The following SLC1A4 variants were observed in gnomAD, a reference collection of about 807,000 sequenced individuals.
SLC1A4 encodes the protein solute carrier family 1 member 4.
A neutral mutation model predicts 37.7 loss-of-function variants in SLC1A4; 19 were observed. The ratio of observed to expected loss-of-function variants is 0.50; its 90% confidence interval spans 0.35 to 0.74. The LOEUF (loss-of-function observed/expected upper bound fraction) is 0.74, where lower values mean the gene tolerates loss of function less well. SLC1A4 is among the 30% of genes least tolerant of loss of function. SLC1A4 has a pLI of 0.01. For missense variants in SLC1A4, 570 were observed against 712.9 expected (o/e 0.80, Z 2.28); for synonymous variants, 299 against 309.8 (o/e 0.97, Z 0.37).
chr2:65,008,937 G>C (rs1029841119), intron 3 of SLC1A4, among the ~76,000 whole-genome samples: 2 of 152,206 alleles, frequency 1.3e-5, no homozygotes, highest in African/African-American at 4.8e-5. Context: ...CCCACAACTA[G>C]GAAGTAGTGA....
rs1163210532 is a variant in SLC1A4, at chr2:64,989,981, T to A, written c.338T>A (p.Leu113Gln). 1 of 1,586,322 alleles carries A rather than the reference T, an allele frequency of 6.3e-7. No individual in the cohort carries two copies. ...ASLDASCLGRLGGIAVAYFGL... is the reference protein window; with the variant it reads ...ASLDASCLGRQGGIAVAYFGL... ...CTCGATGCCAGCTGCCTCGGGCGTCTGGGCGGCATCGCTGTCGCCTACTTT... is the reference window on the plus strand; with the variant it reads ...CTCGATGCCAGCTGCCTCGGGCGTCAGGGCGGCATCGCTGTCGCCTACTTT... Residue 113 changes from leucine to glutamine, a missense_variant, in exon 1 of 8, where the codon CTG (leucine) becomes CAG (glutamine). Transcript: ENST00000234256.
At position 65,016,536 on chromosome 2, in the gene SLC1A4, C is replaced by T. The variant is rs561750338; in HGVS notation, c.897C>T (p.Phe299=). The T allele has an allele frequency of 1.9e-5, 31 of 1,614,032 alleles. No homozygotes were observed. The highest frequency in any genetic ancestry group is 1.2e-4 in the Admixed American group (7 of 60,002). The change falls in exon 5 of 8, where the codon TTC becomes TTT. Residue 299 remains phenylalanine (F), a synonymous_variant. Coordinates refer to ENST00000234256, the MANE Select transcript of SLC1A4 (RefSeq NM_003038.5). The part of the protein sequence containing the change: ...VLVTSLGKYI[F]ASILGHVIHG... The stretch of plus-strand genomic sequence containing the variant: ...TGACCAGCCTGGGGAAATACATCTT[C>T]GCATCTATATTGGGCCATGTTATTC...
intron 5 of SLC1A4, among the ~76,000 whole-genome samples, 164 bp from the exon 6 acceptor site, chr2:65,017,907 G>A (rs921738483): frequency 6.6e-6 from 1 of 152,186 alleles, no homozygotes; most frequent in African/African-American, 2.4e-5. Flanking sequence ...GCCTCATGTT[G>A]TGACAGAAGT....
At chr2:65,009,781 A>G (rs1418890476) in intron 3 of SLC1A4, among the ~76,000 whole-genome samples, 1 of 152,224 alleles carries the variant, frequency 6.6e-6, no homozygotes, top group African/African-American at 2.4e-5. Flanking sequence ...TAAGTCAGTG[A>G]TTTGGGAAAG....
intron 7 of SLC1A4, among the ~76,000 whole-genome samples, chr2:65,019,235 T>C (rs1674311848): frequency 6.6e-6 from 1 of 152,200 alleles, no homozygotes; most frequent in African/African-American, 2.4e-5. Context: ...TTGAGTCACA[T>C]GATACCTTTT....
chr2:64,996,256 T>C (rs947856382), intron 1 of SLC1A4, among the ~76,000 whole-genome samples: 1 of 152,238 alleles, frequency 6.6e-6, no homozygotes, highest in African/African-American at 2.4e-5. Flanking sequence ...TTAAGTGTGA[T>C]ATATACTGAT....
At chr2:65,005,892 A>G in intron 3 of SLC1A4, among the ~76,000 whole-genome samples, 1 of 152,108 alleles carries the variant, frequency 6.6e-6, no homozygotes, top group East Asian at 1.9e-4. Flanking sequence ...AGTCTCAGCT[A>G]CTTGGGAGGC....
chr2:65,010,944 G>A (rs1406939720), intron 4 of SLC1A4, among the ~76,000 whole-genome samples, 181 bp downstream of exon 4: 1 of 152,148 alleles, frequency 6.6e-6, no homozygotes, highest in African/African-American at 2.4e-5. Context: ...TTCTCCTCTT[G>A]TCCAGGACCT....
In SLC1A4 at chr2:65,018,673, G is replaced by T; in HGVS notation, c.1358G>T (p.Trp453Leu). 1 of 1,614,144 alleles carries T rather than the reference G, an allele frequency of 6.2e-7. No individual in the cohort carries two copies. Among genetic ancestry groups the T allele is most frequent in the Non-Finnish European group, 8.5e-7 (1 of 1,180,014 alleles). ...HDLPLILAVD[W>L]IVDRTTTVVN... ...CTGCCTCTGATCCTGGCTGTGGACT[G>T]GATTGTGTAAGTAACAAGTCCTGAG... The change falls in exon 7 of 8, where the codon TGG becomes TTG. Residue 453 changes from tryptophan to leucine, a missense_variant. Trp to Leu is a moderately conservative substitution (Grantham distance 61, BLOSUM62 -2). Transcript: ENST00000234256. This position sits in a 1 kb window ranked among gnomAD's most constrained non-coding sequence, Gnocchi z 4.3.
At position 65,022,775 on chromosome 2, in the gene SLC1A4, T is replaced by G. The variant is rs1572977365; in HGVS notation, c.*1629T>G. ...TCTGGGCGCCTGATTTTGCTGTGAC[T>G]CCCAGACCCAGCCACTGTTTCTGCC... On this transcript the variant is annotated 3_prime_UTR_variant, in exon 8 of 8. Transcript: ENST00000234256. The G allele has an allele frequency of 6.6e-6, 1 of 152,178 alleles. No individual in the cohort carries two copies. The highest frequency in any genetic ancestry group is 1.5e-5 in the Non-Finnish European group (1 of 68,050). 9.4% of individuals were successfully genotyped at this position (152,178 alleles called of 1,614,324 possible).
rs117417399 is a variant in SLC1A4, at chr2:65,005,961, C to T, written c.633+1946C>T. Among the ~76,000 whole-genome samples, 615 of 152,008 alleles carry T rather than the reference C, an allele frequency of 4.0e-3. 32 individuals are homozygous for T. The East Asian group carries it at 0.1, about 25-fold the overall frequency. ...AATGCTGCAGTGAGTCATGATCGTG[C>T]CACTGCACTCCAGCCTGGGCAACAG... On this transcript the variant is annotated intron_variant, in intron 3 of 7. Transcript: ENST00000234256.
In SLC1A4 at chr2:65,018,245, A is replaced by T. The variant is rs2103679532; in HGVS notation, c.1209A>T (p.Ala403=). The T allele has an allele frequency of 6.2e-7, 1 of 1,613,812 alleles. No homozygotes were observed. The highest frequency in any genetic ancestry group is 8.5e-7 in the Non-Finnish European group (1 of 1,179,804). ...AACTCAACAACGTAGAGCTCAACGC[A>T]GGACAGATTTTCACCATTCTGTAAG... ...IAQLNNVELN[A]GQIFTILVTA... is the part of the protein sequence containing the mutation. Residue 403 remains alanine, a synonymous_variant, in exon 6 of 8, where the codon GCA becomes GCT. Coordinates refer to ENST00000234256, the MANE Select transcript of SLC1A4 (RefSeq NM_003038.5). This position sits in a 1 kb window ranked among gnomAD's most constrained non-coding sequence, Gnocchi z 4.3.
Position 64,989,816 on chromosome 2 carries a change from T to G in SLC1A4, c.173T>G (p.Leu58Arg). Residue 58 changes from leucine (L) to arginine (R), a missense_variant, in exon 1 of 8, where the codon CTG (leucine) becomes CGG (arginine). Transcript: ENST00000234256. ...TCCGGGGTGCTGGCGGGCGCGGGCC[T>G]GGGCGCGGCGTTGCGCGGGCTCAGC... is the stretch of plus-strand genomic sequence containing the variant. The part of the protein sequence containing the change: ...TVSGVLAGAG[L>R]GAALRGLSLS... The G allele has an allele frequency of 6.5e-7, 1 of 1,532,278 alleles. No homozygotes were observed. Among genetic ancestry groups the G allele is most frequent in the Non-Finnish European group, 8.7e-7 (1 of 1,142,932 alleles). 94.9% of individuals were successfully genotyped at this position (1,532,278 alleles called of 1,614,324 possible).
chr2:65,008,201 G>A (rs1051048463), intron 3 of SLC1A4, among the ~76,000 whole-genome samples: 1 of 152,218 alleles, frequency 6.6e-6, no homozygotes, highest in East Asian at 1.9e-4. Flanking sequence ...ATCACCAGTT[G>A]TTAGCCATCC....
Position 65,021,305 on chromosome 2 carries a change from T to C in SLC1A4, c.*159T>C. ...TGAGGCTTACCTCTCGGCACTGGCATTGGGCTCCCCAGCCGGAACTGGTTA... is the reference window on the plus strand; with the variant it reads ...TGAGGCTTACCTCTCGGCACTGGCACTGGGCTCCCCAGCCGGAACTGGTTA... On this transcript the variant is annotated 3_prime_UTR_variant, in exon 8 of 8. Transcript: ENST00000234256. The C allele has an allele frequency of 3.2e-6, 2 of 620,342 alleles. No homozygotes were observed. The highest frequency in any genetic ancestry group is 1.8e-5 in the African/African-American group (1 of 54,270). 38.4% of individuals were successfully genotyped at this position (620,342 alleles called of 1,614,324 possible).
In SLC1A4 at chr2:65,023,805, G is replaced by A. The variant is rs920294986; in HGVS notation, c.*2659G>A. On this transcript the variant is annotated 3_prime_UTR_variant, in exon 8 of 8. Transcript: ENST00000234256. The stretch of plus-strand genomic sequence containing the variant: ...CTGCTCATCTGACTGTTTTGTACAT[G>A]TGACAATTGCCTTAAAACCTAGCAC... The A allele has an allele frequency of 4.6e-5, 7 of 152,658 alleles. No homozygotes were observed. The highest frequency in any genetic ancestry group is 1.7e-4 in the African/African-American group (7 of 41,442). The allele number at this position is 152,658 out of a possible 1,614,324, so 9.5% of individuals were successfully genotyped here.
Position 64,989,751 on chromosome 2 carries a change from G to A in SLC1A4, c.108G>A (p.Ala36=), listed in dbSNP as rs1421486985. The change falls in exon 1 of 8, where the codon GCG becomes GCA. Residue 36 remains alanine (A), a synonymous_variant. Transcript: ENST00000234256. ...GTAAGRARRC[A]GFLRRQALVL... The stretch of plus-strand genomic sequence containing the variant: ...CGGCGGGACGCGCACGGCGTTGCGC[G>A]GGCTTCCTGCGGCGCCAAGCGCTGG... 2 of 1,446,548 alleles carry A rather than the reference G, an allele frequency of 1.4e-6. No homozygotes were observed. Among genetic ancestry groups the A allele is most frequent in the African/African-American group, 1.5e-5 (1 of 66,804 alleles). The allele number at this position is 1,446,548 out of a possible 1,614,324, so 89.6% of individuals were successfully genotyped here. A position where few individuals can be genotyped will look rare whatever the true frequency, so the allele number is the denominator to read the frequency against.
In SLC1A4 at chr2:65,010,032, A is replaced by G. The variant is rs561986268; in HGVS notation, c.634-565A>G. On this transcript the variant is annotated intron_variant, in intron 3 of 7. Transcript: ENST00000234256. Reference sequence around the variant, plus strand: ...CTGCAACCTCTGCCTCCTGGGTTCAAGTGATTCTCCTGCCTCAGCCTCCCA... The same window carrying G: ...CTGCAACCTCTGCCTCCTGGGTTCAGGTGATTCTCCTGCCTCAGCCTCCCA... Among the ~76,000 whole-genome samples, 29 of 152,158 alleles carry G rather than the reference A, an allele frequency of 1.9e-4. No individual in the cohort carries two copies. The East Asian group carries it at 5.6e-3, about 29-fold the overall frequency.
intron 5 of SLC1A4, among the ~76,000 whole-genome samples, chr2:65,017,708 C>T (rs1037725545): frequency 2.0e-5 from 3 of 151,568 alleles, no homozygotes; most frequent in African/African-American, 7.3e-5. Flanking sequence ...TTACCATTTA[C>T]TTTTGGGAGG....
Sources: allele counts gnomAD v4.1 joint callset (sites outside exome capture counted in the v4.1 genomes callset), GRCh38; gene constraint gnomAD v4.1.1; non-coding constraint Gnocchi (gnomAD v3.1); transcripts MANE v1.5; gene names NCBI Gene and HGNC (gene_info 2026-07-23, HGNC 2026-07-21).